SYTL3: variants seen among roughly 807,000 people sequenced by gnomAD.
The protein encoded by SYTL3 is synaptotagmin-like protein 3.
A neutral mutation model predicts 82.1 loss-of-function variants in SYTL3; 88 were observed. The observed-to-expected ratio is 1.07, with a 90% CI of 0.90 to 1.28. SYTL3 has a LOEUF of 1.28. SYTL3 is among the 50% of genes most tolerant of loss of function. The probability of loss-of-function intolerance (pLI) is 0.00; values close to 1 mark genes in which losing one functional copy is unlikely to be tolerated. For synonymous variants in SYTL3, 311 were observed against 289.4 expected (o/e 1.07, Z -0.76); for missense variants, 831 against 757.6 (o/e 1.10, Z -1.14).
At chr6:158,677,898 A>G (rs1028422202) in intron 5 of SYTL3, among the ~76,000 whole-genome samples, 1 of 151,984 alleles carries the variant, frequency 6.6e-6, no homozygotes, top group African/African-American at 2.4e-5. Context: ...TTGTTGTTTT[A>G]ATTTTATTTG....
intron 12 of SYTL3, among the ~76,000 whole-genome samples, chr6:158,746,719 C>T (rs1483473163): frequency 3.3e-5 from 5 of 151,812 alleles, no homozygotes; most frequent in African/African-American, 1.2e-4. Flanking sequence ...CCACCTTGGC[C>T]TCCCAAAGTG....
intron 5 of SYTL3, among the ~76,000 whole-genome samples, chr6:158,669,551 A>G (rs1334640136): frequency 6.6e-6 from 1 of 152,248 alleles, no homozygotes; most frequent in Non-Finnish European, 1.5e-5. Context: ...TCATTAGAAC[A>G]GAAGGTTTCA....
At position 158,762,567 on chromosome 6, in the gene SYTL3, A is replaced by G. The variant is rs191786720; in HGVS notation, c.1517+389A>G. Among the ~76,000 whole-genome samples, 6 of 152,314 alleles carry G rather than the reference A, an allele frequency of 3.9e-5. No individual in the cohort carries two copies. The East Asian group carries it at 1.2e-3, about 29-fold the overall frequency. Reference sequence around the variant, plus strand: ...CCCCTCTAAAAGTAAGGCAAATACCATTATTACATTGAATTGCAAACTCCC... The same window carrying G: ...CCCCTCTAAAAGTAAGGCAAATACCGTTATTACATTGAATTGCAAACTCCC... On this transcript the variant is annotated intron_variant, in intron 16 of 17. Transcript: ENST00000611299.
chr6:158,753,977 T>C (rs1242842219), intron 13 of SYTL3, among the ~76,000 whole-genome samples: 1 of 151,996 alleles, frequency 6.6e-6, no homozygotes, highest in East Asian at 1.9e-4. Context: ...ATGCATAAGA[T>C]GCGAAGGATG....
intron 2 of SYTL3, among the ~76,000 whole-genome samples, chr6:158,656,055 C>T (rs1370461939): frequency 1.3e-5 from 2 of 152,098 alleles, no homozygotes; most frequent in African/African-American, 2.4e-5. Context: ...CGGGAGGTCA[C>T]GACTGGGATG....
chr6:158,719,291 A>T (rs35046166), intron 10 of SYTL3, among the ~76,000 whole-genome samples: 26,647 of 152,128 alleles, frequency 0.18, 2,889 homozygotes, highest in Non-Finnish European at 0.24. Context: ...TTTACATGTA[A>T]AGAAATGGAG....
At chr6:158,676,509 T>A (rs1182159365) in intron 5 of SYTL3, among the ~76,000 whole-genome samples, 1 of 151,808 alleles carries the variant, frequency 6.6e-6, no homozygotes, top group African/African-American at 2.4e-5. Context: ...GGACTTCATG[T>A]CTAAAACACC....
intron 10 of SYTL3, among the ~76,000 whole-genome samples, chr6:158,719,456 C>A (rs1783815330): frequency 6.6e-6 from 1 of 152,172 alleles, no homozygotes; most frequent in Non-Finnish European, 1.5e-5. Context: ...AGATGAGGAA[C>A]CGCAGATGCA....
chr6:158,654,182 C>G (rs751055460), intron 2 of SYTL3, among the ~76,000 whole-genome samples: 4 of 152,154 alleles, frequency 2.6e-5, no homozygotes, highest in Non-Finnish European at 5.9e-5. Flanking sequence ...CCTCTCTGCT[C>G]CTGTGTGGAG....
At chr6:158,679,843 T>A (rs1428852294) in intron 5 of SYTL3, among the ~76,000 whole-genome samples, 6 of 152,190 alleles carry the variant, frequency 3.9e-5, no homozygotes, top group Admixed American at 3.9e-4. Flanking sequence ...TCCCTCACCT[T>A]AGCTGTTTTT....
chr6:158,726,305 T>C, intron 11 of SYTL3: 1 of 393,794 alleles, frequency 2.5e-6, no homozygotes, highest in Non-Finnish European at 4.9e-6. Flanking sequence ...CACAGGCGTC[T>C]TCAGGTTTCT....
intron 14 of SYTL3, among the ~76,000 whole-genome samples, chr6:158,759,628 G>A (rs1789636151): frequency 6.6e-6 from 1 of 152,182 alleles, no homozygotes. Flanking sequence ...TGTCCCCTGG[G>A]TTCAAGTGAT....
intron 12 of SYTL3, among the ~76,000 whole-genome samples, chr6:158,749,087 TG>T (rs887213111): frequency 6.6e-6 from 1 of 151,832 alleles, no homozygotes; most frequent in Non-Finnish European, 1.5e-5. Context: ...TAGCCAGGCA[TG>T]GTGGCATGTG....
At position 158,707,202 on chromosome 6, in the gene SYTL3, A is replaced by G. The variant is rs372154726; in HGVS notation, c.395-28A>G. The G allele has an allele frequency of 1.7e-4, 277 of 1,611,726 alleles. No homozygotes were observed. In the African/African-American group the frequency reaches 3.3e-3, roughly 19 times the overall value. ...TTAGCTAAGTGCTATTCTTAATAAT[A>G]AACGCCCTCTATGGATATCTCTCGC... On this transcript the variant is annotated intron_variant, in intron 6 of 17. Transcript: ENST00000611299.
chr6:158,759,721 A>G (rs1204472992), intron 14 of SYTL3, among the ~76,000 whole-genome samples: 1 of 152,030 alleles, frequency 6.6e-6, no homozygotes, highest in Non-Finnish European at 1.5e-5. Context: ...TTTGGTAGAC[A>G]TGGGGTTTCA....
chr6:158,763,219 GCTTCC>G (rs1790231474), intron 16 of SYTL3, 80 bp from the exon 17 acceptor site: 2 of 1,332,508 alleles, frequency 1.5e-6, no homozygotes, highest in East Asian at 2.3e-5. Context: ...TTTTCTTAGT[GCTTCC>G]CGTCTGCACT....
intron 5 of SYTL3, among the ~76,000 whole-genome samples, chr6:158,681,551 A>C (rs1778700210): frequency 6.6e-6 from 1 of 151,976 alleles, no homozygotes; most frequent in South Asian, 2.1e-4. Context: ...GGTGGCGGGC[A>C]CCTGTAGTCC....
At chr6:158,714,492 T>C (rs554159108) in intron 9 of SYTL3, among the ~76,000 whole-genome samples, 7 of 152,370 alleles carry the variant, frequency 4.6e-5, no homozygotes, top group Admixed American at 3.9e-4. Flanking sequence ...GGTAAATGTA[T>C]TTTCTTCAGT....
chr6:158,709,236 A>G (rs1782483355), intron 8 of SYTL3, among the ~76,000 whole-genome samples: 1 of 152,186 alleles, frequency 6.6e-6, no homozygotes, highest in South Asian at 2.1e-4. Context: ...CTCAAAAAAA[A>G]TAAATTGTAT....
Sources: allele counts gnomAD v4.1 joint callset (sites outside exome capture counted in the v4.1 genomes callset), GRCh38; gene constraint gnomAD v4.1.1; transcripts MANE v1.5; gene names NCBI Gene and HGNC (gene_info 2026-07-23, HGNC 2026-07-21).